The following CMC1 variants were observed in gnomAD, a reference collection of about 807,000 sequenced individuals.
CMC1 encodes COX assembly mitochondrial protein homolog.
A neutral mutation model predicts 14.1 loss-of-function variants in CMC1; 14 were observed. The ratio of observed to expected loss-of-function variants is 0.99; its 90% CI spans 0.66 to 1.55. The LOEUF is 1.55. Among genes scored for constraint, CMC1 ranks in the 40% most tolerant of loss-of-function variants. CMC1 has a pLI of 0.00. For synonymous variants in CMC1, 50 were observed against 38.4 expected (o/e 1.30, Z -1.12); for missense variants, 127 against 123.8 (o/e 1.03, Z -0.12).
chr3:28,242,375 G>A (rs944896816), intron 1 of CMC1, among the ~76,000 whole-genome samples: 1 of 152,134 alleles, frequency 6.6e-6, no homozygotes, highest in Non-Finnish European at 1.5e-5. Flanking sequence ...TCGAATTCCC[G>A]TCCTTGTGGA....
intron 1 of CMC1, among the ~76,000 whole-genome samples, chr3:28,251,956 G>C (rs1003321944): frequency 6.6e-6 from 1 of 152,202 alleles, no homozygotes; most frequent in Non-Finnish European, 1.5e-5. Context: ...GGGAAATTGT[G>C]CTTGTAGGCG....
intron 2 of CMC1, among the ~76,000 whole-genome samples, chr3:28,313,518 A>G (rs1197274432): frequency 6.6e-6 from 1 of 152,240 alleles, no homozygotes; most frequent in Non-Finnish European, 1.5e-5. Flanking sequence ...CATTTTGGAA[A>G]TCAGTTGGCA....
At position 28,324,503 on chromosome 3, in the gene CMC1, C is replaced by A; in HGVS notation, c.*4874C>A. ...TGTCAGTTTTCATTACATTTGTGAT[C>A]ATAAAATTCGATAACACTTCACCAA... On this transcript the variant is annotated 3_prime_UTR_variant, in exon 4 of 4. Coordinates refer to ENST00000466830, the MANE Select transcript of CMC1 (RefSeq NM_182523.2). 7.2e-7 allele frequency: 1 copy of A among 1,388,982 alleles called. No homozygotes were observed. The highest frequency in any genetic ancestry group is 2.1e-5 in the South Asian group (1 of 47,624). The allele number at this position is 1,388,982 out of a possible 1,614,324, so 86.0% of individuals were successfully genotyped here.
intron 2 of CMC1, among the ~76,000 whole-genome samples, chr3:28,276,326 A>G (rs973415188): frequency 2.0e-5 from 3 of 152,124 alleles, no homozygotes; most frequent in Non-Finnish European, 4.4e-5. Context: ...AGTTTTTTAA[A>G]CAGTTTATGT....
intron 1 of CMC1, among the ~76,000 whole-genome samples, chr3:28,258,177 C>T (rs1225150100): frequency 6.7e-6 from 1 of 149,622 alleles, no homozygotes; most frequent in African/African-American, 2.5e-5. Context: ...GTTAGGGGTT[C>T]TTGATATATT....
At chr3:28,291,971 TTA>T (rs1465233169) in intron 2 of CMC1, 3 of 152,190 alleles carry the variant, frequency 2.0e-5, no homozygotes, top group Non-Finnish European at 4.4e-5. Context: ...AAAGGTTTTT[TTA>T]TACTAAGTGT....
intron 2 of CMC1, among the ~76,000 whole-genome samples, chr3:28,263,810 T>A (rs10510609): frequency 0.15 from 23,489 of 152,110 alleles, 2,495 homozygotes; most frequent in East Asian, 0.47. Context: ...ACTGAATTGT[T>A]AATAGAATCC....
intron 2 of CMC1, among the ~76,000 whole-genome samples, chr3:28,281,680 A>G (rs573495089): frequency 1.3e-5 from 2 of 152,336 alleles, no homozygotes; most frequent in South Asian, 4.1e-4. Flanking sequence ...ACACCATATT[A>G]AACAATTTAT....
At position 28,319,686 on chromosome 3, in the gene CMC1, C is replaced by T; in HGVS notation, c.*57C>T. 7.0e-7 allele frequency: 1 copy of T among 1,432,808 alleles called. No individual in the cohort carries two copies. Among genetic ancestry groups the T allele is most frequent in the Non-Finnish European group, 9.5e-7 (1 of 1,054,394 alleles). The allele number at this position is 1,432,808 out of a possible 1,614,324, so 88.8% of individuals were successfully genotyped here. On this transcript the variant is annotated 3_prime_UTR_variant, in exon 4 of 4. Coordinates refer to ENST00000466830, the MANE Select transcript of CMC1 (RefSeq NM_182523.2). The stretch of plus-strand genomic sequence containing the variant: ...ATATTCATGGAAGTCATTTTATAGT[C>T]CTTAAATAATGGACTCAAGCATATA...
Position 28,323,932 on chromosome 3 carries a change from CCT to C in CMC1, c.*4306_*4307del, listed in dbSNP as rs765985785. ...TGTGTTCAAATATAGATACTGAAGACCTCTGCAAAATTTTAATCAAAATCTCC... is the reference window on the plus strand; with the variant it reads ...TGTGTTCAAATATAGATACTGAAGACCTGCAAAATTTTAATCAAAATCTCC... On this transcript the variant is annotated 3_prime_UTR_variant, in exon 4 of 4. Coordinates refer to ENST00000466830, the MANE Select transcript of CMC1 (RefSeq NM_182523.2). 91 of 1,293,154 alleles carry C rather than the reference CCT, an allele frequency of 7.0e-5. No homozygotes were observed. Among genetic ancestry groups the C allele is most frequent in the Non-Finnish European group, 9.3e-5 (87 of 936,872 alleles). 80.1% of individuals were successfully genotyped at this position (1,293,154 alleles called of 1,614,324 possible). A position where few individuals can be genotyped will look rare whatever the true frequency, so the allele number is the denominator to read the frequency against.
In CMC1 at chr3:28,241,679, T is replaced by A. The variant is rs1698517583; in HGVS notation, c.-115T>A. ...GCTTTGCAAAGGGCCCGTGTTTCTG[T>A]TGCGGGAAGCTCCCGGGGGTCGCAC... On this transcript the variant is annotated 5_prime_UTR_variant, in exon 1 of 4. The change creates a new upstream start codon in the 5' untranslated region. Coordinates refer to ENST00000466830, the MANE Select transcript of CMC1 (RefSeq NM_182523.2). The A allele has an allele frequency of 1.6e-6, 2 of 1,235,628 alleles. No individual in the cohort carries two copies. Among genetic ancestry groups the A allele is most frequent in the East Asian group, 3.2e-5 (1 of 31,668 alleles). 76.5% of individuals were successfully genotyped at this position (1,235,628 alleles called of 1,614,324 possible). A position where few individuals can be genotyped will look rare whatever the true frequency, so the allele number is the denominator to read the frequency against.
At position 28,322,754 on chromosome 3, in the gene CMC1, A is replaced by AGAT; in HGVS notation, c.*3126_*3128dup. The AGAT allele has an allele frequency of 6.6e-6, 1 of 151,726 alleles. No individual in the cohort carries two copies. The highest frequency in any genetic ancestry group is 2.1e-4 in the South Asian group (1 of 4,824). 9.4% of individuals were successfully genotyped at this position (151,726 alleles called of 1,614,324 possible). On this transcript the variant is annotated 3_prime_UTR_variant, in exon 4 of 4. Coordinates refer to ENST00000466830, the MANE Select transcript of CMC1 (RefSeq NM_182523.2). The stretch of plus-strand genomic sequence containing the variant: ...TCACAGACAAGCTTGAATAAGTGTA[A>AGAT]GATAATAGAAAAAAATATCTAGTGA...
chr3:28,250,573 C>T lies in CMC1; in HGVS notation c.19+8761C>T, dbSNP rs563405264. Among the ~76,000 whole-genome samples the T allele has an allele frequency of 4.5e-4, 69 of 152,206 alleles. No homozygotes were observed. The South Asian group carries it at 5.2e-3, about 11-fold the overall frequency. On this transcript the variant is annotated intron_variant, in intron 1 of 3. Coordinates refer to ENST00000466830, the MANE Select transcript of CMC1 (RefSeq NM_182523.2). ...TTTTCTTCTTTCTGTAAATATTTATCGTGTTGCTTCTGTGTACTATATAAC... is the reference window on the plus strand; with the variant it reads ...TTTTCTTCTTTCTGTAAATATTTATTGTGTTGCTTCTGTGTACTATATAAC...
chr3:28,255,174 C>G (rs147136323), intron 1 of CMC1, among the ~76,000 whole-genome samples: 14 of 152,230 alleles, frequency 9.2e-5, no homozygotes, highest in Admixed American at 5.9e-4. Flanking sequence ...TAGGACCTCC[C>G]TCTGAATTTG....
At chr3:28,275,767 C>T (rs1559416432) in intron 2 of CMC1, among the ~76,000 whole-genome samples, 1 of 152,168 alleles carries the variant, frequency 6.6e-6, no homozygotes, top group Non-Finnish European at 1.5e-5. Flanking sequence ...CCCCCAGGGT[C>T]TCCATCCCAG....
At position 28,300,888 on chromosome 3, in the gene CMC1, T is replaced by G. The variant is rs1217162825; in HGVS notation, c.110-15445T>G. Among the ~76,000 whole-genome samples, 3 of 151,778 alleles carry G rather than the reference T, an allele frequency of 2.0e-5. No homozygotes were observed. The East Asian group carries it at 5.9e-4, about 30-fold the overall frequency. Reference sequence around the variant, plus strand: ...GTTATCAGTTTTCTTACATATTCTTTCATAGCCATTATGTACTTGCAGACA... The same window carrying G: ...GTTATCAGTTTTCTTACATATTCTTGCATAGCCATTATGTACTTGCAGACA... On this transcript the variant is annotated intron_variant, in intron 2 of 3. Coordinates refer to ENST00000466830, the MANE Select transcript of CMC1 (RefSeq NM_182523.2).
intron 1 of CMC1, among the ~76,000 whole-genome samples, chr3:28,252,338 A>G (rs1699172420): frequency 6.6e-6 from 1 of 152,184 alleles, no homozygotes; most frequent in Admixed American, 6.5e-5. Flanking sequence ...TTGACCCAGA[A>G]GCTAAGCAGA....
At chr3:28,244,992 C>T (rs984282896) in intron 1 of CMC1, among the ~76,000 whole-genome samples, 2 of 145,222 alleles carry the variant, frequency 1.4e-5, no homozygotes, top group African/African-American at 2.6e-5. Context: ...TTGGTTCATA[C>T]GTTGAAGCTT....
rs71087685 is a variant in CMC1 at position 28,305,779 on chromosome 3, A to ATTT, written c.110-10525_110-10523dup. On this transcript the variant is annotated intron_variant, in intron 2 of 3. Coordinates refer to ENST00000466830, the MANE Select transcript of CMC1 (RefSeq NM_182523.2). Reference sequence around the variant, plus strand: ...GTGTCCAGAAGAGTTTTTCATAGGAATTTTTTTTTTTTTTTTTTTTTTTTT... The same window carrying ATTT: ...GTGTCCAGAAGAGTTTTTCATAGGAATTTTTTTTTTTTTTTTTTTTTTTTTTTT... Among the ~76,000 whole-genome samples the ATTT allele has an allele frequency of 3.5e-3, 153 of 43,580 alleles. 5 individuals carry two copies. The highest frequency in any genetic ancestry group is 0.013 in the African/African-American group (117 of 9,000). The allele number at this position is 43,580 out of a possible 152,430, so 28.6% of individuals were successfully genotyped here.
Sources: gnomAD v4.1 joint callset for allele counts (sites outside exome capture counted in the v4.1 genomes callset) on GRCh38, gnomAD v4.1.1 for gene constraint, MANE v1.5 for transcripts, NCBI Gene and HGNC (gene_info 2026-07-23, HGNC 2026-07-21) for gene names.